Variants in SELENOF observed in about 807,000 individuals in gnomAD.
SELENOF encodes the protein selenoprotein F, also known as 15 kDa selenoprotein.
Under a neutral mutation model 20.5 loss-of-function variants are expected in SELENOF, and 16 were observed. That is an observed-to-expected ratio of 0.78 (90% CI 0.53 to 1.19). The LOEUF (loss-of-function observed/expected upper bound fraction) is 1.19, where lower values mean the gene tolerates loss of function less well. Ranked by LOEUF, SELENOF falls within the 50% of genes most tolerant of loss-of-function variation. The probability of loss-of-function intolerance (pLI) is 0.00; values close to 1 mark genes in which losing one functional copy is unlikely to be tolerated. For synonymous variants in SELENOF, 78 were observed against 74.5 expected (o/e 1.05, Z -0.24); for missense variants, 215 against 194.2 (o/e 1.11, Z -0.64).
chr1:86,901,771 CT>C (rs1659711441), intron 2 of SELENOF, among the ~76,000 whole-genome samples: 1 of 152,044 alleles, frequency 6.6e-6, no homozygotes, highest in African/African-American at 2.4e-5. Flanking sequence ...TACCAAAAAA[CT>C]GGGGTATTAT....
intron 2 of SELENOF, among the ~76,000 whole-genome samples, chr1:86,901,424 T>TAA (rs545664171): frequency 7.8e-6 from 1 of 128,334 alleles, no homozygotes. Context: ...CTAGTCTTAC[T>TAA]AAAAAAAAAA....
chr1:86,884,483 T>C (rs1052032648), intron 2 of SELENOF, among the ~76,000 whole-genome samples: 8 of 152,104 alleles, frequency 5.3e-5, no homozygotes, highest in Non-Finnish European at 8.8e-5. Context: ...TAACTACAGA[T>C]TGTAGTAAAT....
In SELENOF at chr1:86,866,126, G is replaced by A. The variant is rs149692922; in HGVS notation, c.366+1927C>T. Among the ~76,000 whole-genome samples the A allele has an allele frequency of 3.7e-3, 565 of 151,142 alleles. 4 individuals carry two copies. The highest frequency in any genetic ancestry group is 0.02 in the Middle Eastern group (6 of 294). ...GTGGCGGGATTGCTTGAGCCTTAGA[G>A]GGTGAGGATGCAGTGAGCTGTGATC... is the stretch of plus-strand genomic sequence containing the variant. On this transcript the variant is annotated intron_variant, in intron 4 of 4. Transcript: ENST00000331835.
intron 2 of SELENOF, among the ~76,000 whole-genome samples, chr1:86,896,283 A>AG (rs1385499703): frequency 1.3e-5 from 2 of 152,046 alleles, no homozygotes; most frequent in African/African-American, 4.8e-5. Context: ...GGATATAGTT[A>AG]GGGAAAAAAA....
At chr1:86,913,068 C>T (rs746516219) in intron 1 of SELENOF, among the ~76,000 whole-genome samples, 1 of 152,186 alleles carries the variant, frequency 6.6e-6, no homozygotes, top group Non-Finnish European at 1.5e-5. Context: ...AGTTAAGAAT[C>T]TACCTTTTGG....
chr1:86,896,692 T>C (rs902709549), intron 2 of SELENOF, among the ~76,000 whole-genome samples: 1 of 152,218 alleles, frequency 6.6e-6, no homozygotes, highest in Admixed American at 6.5e-5. Flanking sequence ...TATGGCATCC[T>C]TGTAAGTAAA....
At position 86,892,233 on chromosome 1, in the gene SELENOF, C is replaced by T. The variant is rs547783094; in HGVS notation, c.252+11048G>A. 5.9e-5 allele frequency among the ~76,000 whole-genome samples: 9 copies of T among 152,210 alleles called. 1 individual carries two copies. In the South Asian group the frequency reaches 1.0e-3, roughly 18 times the overall value. ...GATTACAGGTGTGAGCCACCACCCC[C>T]GGCCTATGTTATTATTTAGTATTAC... On this transcript the variant is annotated intron_variant, in intron 2 of 4. Transcript: ENST00000331835.
intron 4 of SELENOF, among the ~76,000 whole-genome samples, chr1:86,866,458 G>A (rs1005710159): frequency 5.3e-5 from 8 of 151,828 alleles, no homozygotes; most frequent in African/African-American, 1.9e-4. Context: ...GGGCGGGGGT[G>A]GTGGTGGGCA....
rs781022760 is a variant in SELENOF, at chr1:86,868,036, C to T, written c.366+17G>A. 2.4e-6 allele frequency: 3 copies of T among 1,274,462 alleles called. No homozygotes were observed. Among genetic ancestry groups the T allele is most frequent in the East Asian group, 2.6e-5 (1 of 38,632 alleles). The allele number at this position is 1,274,462 out of a possible 1,614,324, so 78.9% of individuals were successfully genotyped here. A position where few individuals can be genotyped will look rare whatever the true frequency, so the allele number is the denominator to read the frequency against. On this transcript the variant is annotated intron_variant, in intron 4 of 4. Transcript: ENST00000331835. ...ATTAAGGCTGGAAAAAAGAGATCTC[C>T]ACTACAATCACCTTACCTTGATTTG...
At chr1:86,896,489 T>C (rs532802355) in intron 2 of SELENOF, among the ~76,000 whole-genome samples, 71 of 152,180 alleles carry the variant, frequency 4.7e-4, no homozygotes, top group African/African-American at 1.6e-3. Context: ...TCTTAGAAAA[T>C]AGTGAATAGT....
chr1:86,871,016 T>C (rs527998891), intron 3 of SELENOF, among the ~76,000 whole-genome samples: 24 of 152,346 alleles, frequency 1.6e-4, no homozygotes, highest in Non-Finnish European at 2.6e-4. Context: ...CATCAGTTCT[T>C]TCCTTTTCTC....
chr1:86,879,990 C>A (rs13376636), intron 3 of SELENOF, among the ~76,000 whole-genome samples: 3,585 of 152,244 alleles, frequency 0.024, 73 homozygotes, highest in African/African-American at 0.049. Flanking sequence ...TAAATCAATT[C>A]ACATTTAAAA....
chr1:86,914,502 G>A (rs1660088528), upstream of SELENOF: 2 of 254,656 alleles, frequency 7.9e-6, no homozygotes, highest in Non-Finnish European at 1.6e-5. Flanking sequence ...CAAGAGCGAA[G>A]CGCAGGGGCT....
chr1:86,909,997 A>G (rs937506656), intron 1 of SELENOF, among the ~76,000 whole-genome samples: 1 of 152,246 alleles, frequency 6.6e-6, no homozygotes, highest in Non-Finnish European at 1.5e-5. Context: ...TCAAAAAAAA[A>G]GTATGATGAT....
intron 2 of SELENOF, among the ~76,000 whole-genome samples, chr1:86,894,284 A>G (rs1280664699): frequency 2.0e-5 from 3 of 151,852 alleles, no homozygotes; most frequent in Non-Finnish European, 4.4e-5. Context: ...AGAGAAGAAT[A>G]TTAGTAGAAA....
intron 2 of SELENOF, chr1:86,887,121 C>G (rs1477083755): frequency 2.5e-5 from 38 of 1,507,348 alleles, no homozygotes; most frequent in Non-Finnish European, 3.4e-5. Flanking sequence ...CAAGTCTTCC[C>G]CATACTTTCT....
chr1:86,898,336 G>T (rs1659579079), intron 2 of SELENOF, among the ~76,000 whole-genome samples: 1 of 152,106 alleles, frequency 6.6e-6, no homozygotes, highest in South Asian at 2.1e-4. Flanking sequence ...AATGACAAGG[G>T]GTTTCAAAGA....
chr1:86,910,010 A>G (rs1310972148), intron 1 of SELENOF, among the ~76,000 whole-genome samples: 3 of 152,262 alleles, frequency 2.0e-5, no homozygotes, highest in Non-Finnish European at 4.4e-5. Context: ...ATGATGATAC[A>G]ATATGCAAGG....
At chr1:86,880,035 A>G (rs1659023485) in intron 3 of SELENOF, among the ~76,000 whole-genome samples, 1 of 135,034 alleles carries the variant, frequency 7.4e-6, no homozygotes, top group Non-Finnish European at 1.5e-5. Flanking sequence ...AAGAAATTAC[A>G]CTTACATCTT....
Sources: allele counts gnomAD v4.1 joint callset (sites outside exome capture counted in the v4.1 genomes callset), GRCh38; gene constraint gnomAD v4.1.1; transcripts MANE v1.5; gene names NCBI Gene and HGNC (gene_info 2026-07-23, HGNC 2026-07-21).